Variants in TJP1 observed in about 807,000 individuals in gnomAD.
TJP1 encodes tight junction protein 1.
A neutral mutation model predicts 194.2 loss-of-function variants in TJP1; 43 were observed. The ratio of observed to expected loss-of-function variants is 0.22; its 90% CI spans 0.17 to 0.29. The LOEUF is 0.29. Among genes scored for constraint, TJP1 ranks in the 10% least tolerant of loss-of-function variants. TJP1 has a pLI of 1.00. For missense variants in TJP1, 1,971 were observed against 2,185.7 expected, an observed-to-expected ratio of 0.90 and a Z score of 1.96; for synonymous variants, 801 against 779.0, an observed-to-expected ratio of 1.03 and a Z score of -0.47.
intron 2 of TJP1, among the ~76,000 whole-genome samples, chr15:29,843,820 T>C (rs2051315044): frequency 6.6e-6 from 1 of 151,978 alleles, no homozygotes; most frequent in Non-Finnish European, 1.5e-5. Flanking sequence ...GTGCTCCCAG[T>C]GTGAGTGTGG....
chr15:29,770,379 G>C (rs1218017242), intron 4 of TJP1, among the ~76,000 whole-genome samples: 1 of 151,990 alleles, frequency 6.6e-6, no homozygotes, highest in African/African-American at 2.4e-5. Flanking sequence ...GTTGCGGTGA[G>C]CCAAGATCAC....
chr15:29,786,976 A>G (rs935648186), intron 2 of TJP1, among the ~76,000 whole-genome samples: 2 of 152,220 alleles, frequency 1.3e-5, no homozygotes, highest in Non-Finnish European at 2.9e-5. Context: ...GAAGGGTCTG[A>G]AAAACTTATA....
intron 2 of TJP1, among the ~76,000 whole-genome samples, chr15:29,893,424 C>T (rs1375016044): frequency 6.6e-6 from 1 of 152,174 alleles, no homozygotes; most frequent in African/African-American, 2.4e-5. Context: ...GAAAGAAGTC[C>T]TACCGTAGAT....
chr15:29,832,306 G>A (rs1214611264), intron 2 of TJP1, among the ~76,000 whole-genome samples: 1 of 152,138 alleles, frequency 6.6e-6, no homozygotes, highest in Non-Finnish European at 1.5e-5. Flanking sequence ...CTGAGGGTCT[G>A]CCAACCTGTA....
At chr15:29,699,470 C>T (rs1348211920), downstream of TJP1, 1 of 152,012 alleles carries the variant, frequency 6.6e-6, no homozygotes. Context: ...TAAAGGGGTA[C>T]AAATGATTAG....
chr15:29,890,640 T>C (rs975637793), intron 2 of TJP1, among the ~76,000 whole-genome samples: 1 of 152,140 alleles, frequency 6.6e-6, no homozygotes, highest in Non-Finnish European at 1.5e-5. Context: ...TAGATGAATG[T>C]TCGGTTGTGA....
chr15:29,705,585 T>C lies in TJP1; in HGVS notation c.5011A>G (p.Ile1671Val). Residue 1671 changes from isoleucine to valine, a missense_variant, in exon 26 of 28, where the codon ATC (isoleucine) becomes GTC (valine). Transcript: ENST00000614355. ...GAIPEGVEQE[I>V]YFKVCRDNSI... ...TTGTCCCGGCAGACCTTGAAATAGA[T>C]TTCCTGCTCAACTCCTTCGGGAATG... 6.2e-7 allele frequency: 1 copy of C among 1,614,232 alleles called. No individual in the cohort carries two copies. The highest frequency in any genetic ancestry group is 8.5e-7 in the Non-Finnish European group (1 of 1,180,036).
At chr15:29,801,788 G>A (rs889854685) in intron 1 of TJP1, among the ~76,000 whole-genome samples, 2 of 151,986 alleles carry the variant, frequency 1.3e-5, no homozygotes, top group African/African-American at 2.4e-5. Flanking sequence ...TAAGGCAGGG[G>A]TGTCCAATCT....
intron 2 of TJP1, among the ~76,000 whole-genome samples, chr15:29,879,366 C>G (rs945779053): frequency 1.1e-4 from 16 of 152,214 alleles, no homozygotes; most frequent in African/African-American, 3.6e-4. Context: ...TTTTCACCAC[C>G]AGTGGACAGA....
intron 18 of TJP1, among the ~76,000 whole-genome samples, chr15:29,722,458 G>A (rs958941786): frequency 1.6e-4 from 25 of 152,334 alleles, no homozygotes; most frequent in South Asian, 2.1e-4. Context: ...CTAAGTCTGC[G>A]GGTGCACAGA....
chr15:29,847,008 G>A (rs948376903), intron 2 of TJP1, among the ~76,000 whole-genome samples: 1 of 152,200 alleles, frequency 6.6e-6, no homozygotes, highest in East Asian at 1.9e-4. Flanking sequence ...CCTGATTCAA[G>A]TAATGTTTGG....
At chr15:29,815,222 G>A (rs1334649382) in intron 1 of TJP1, among the ~76,000 whole-genome samples, 2 of 152,206 alleles carry the variant, frequency 1.3e-5, no homozygotes, top group African/African-American at 4.8e-5. Flanking sequence ...CTCTAGGTCA[G>A]AGAGAGCAAA....
At chr15:29,861,639 CT>C (rs1247030288) in intron 2 of TJP1, among the ~76,000 whole-genome samples, 4 of 151,990 alleles carry the variant, frequency 2.6e-5, no homozygotes, top group East Asian at 1.9e-4. Context: ...ATTGGCTTGT[CT>C]TTTTTTTGTT....
chr15:29,808,599 A>T (rs1323350303), intron 1 of TJP1, among the ~76,000 whole-genome samples: 2 of 152,320 alleles, frequency 1.3e-5, no homozygotes, highest in South Asian at 4.1e-4. Context: ...CAGTGATTTT[A>T]AAAAATGATA....
At chr15:29,732,964 A>T (rs1009011282) in intron 13 of TJP1, 130 bp downstream of exon 13, 1 of 1,262,010 alleles carries the variant, frequency 7.9e-7, no homozygotes, top group African/African-American at 1.5e-5. Context: ...TTGTAAACCT[A>T]AGTCAGTTAT....
chr15:29,881,961 A>G (rs1225293260), intron 2 of TJP1, among the ~76,000 whole-genome samples: 1 of 151,520 alleles, frequency 6.6e-6, no homozygotes, highest in Non-Finnish European at 1.5e-5. Context: ...ATATAGATAT[A>G]TATATTTTTA....
At chr15:29,778,524 C>A (rs1164836306) in intron 2 of TJP1, among the ~76,000 whole-genome samples, 2 of 152,082 alleles carry the variant, frequency 1.3e-5, no homozygotes, top group African/African-American at 2.4e-5. Flanking sequence ...ACCTCCACTG[C>A]ACTACAAGTG....
At chr15:29,760,000 T>A (rs977720901) in intron 8 of TJP1, 4 of 493,152 alleles carry the variant, frequency 8.1e-6, no homozygotes, top group African/African-American at 7.9e-5. Context: ...TGCTGGATCA[T>A]GTGCTAGTTC....
chr15:29,967,024 T>C (rs1029935316), intron 1 of TJP1, among the ~76,000 whole-genome samples: 1 of 151,748 alleles, frequency 6.6e-6, no homozygotes, highest in African/African-American at 2.4e-5. Flanking sequence ...ATATCTTTTT[T>C]TTTTTTTTGA....
Sources: gnomAD v4.1 joint callset for allele counts (sites outside exome capture counted in the v4.1 genomes callset) on GRCh38, gnomAD v4.1.1 for gene constraint, MANE v1.5 for transcripts, NCBI Gene and HGNC (gene_info 2026-07-23, HGNC 2026-07-21) for gene names.